Variants in CTSH observed in about 807,000 individuals in gnomAD.
CTSH encodes the protein cathepsin H.
CTSH carries 52 observed loss-of-function variants against 56.3 expected under a neutral mutation model. The observed-to-expected ratio is 0.92, with a 90% CI of 0.74 to 1.16. The LOEUF is 1.16. CTSH is among the 50% of genes most tolerant of loss of function. CTSH has a pLI of 0.00. For synonymous variants in CTSH, 174 were observed against 155.7 expected (o/e 1.12, Z -0.88); for missense variants, 406 against 424.5 (o/e 0.96, Z 0.38).
intron 7 of CTSH, among the ~76,000 whole-genome samples, chr15:78,930,195 A>G (rs2055020577): frequency 6.6e-6 from 1 of 152,236 alleles, no homozygotes; most frequent in South Asian, 2.1e-4. Context: ...ATGAATGAGA[A>G]AAGGAAGTAC....
intron 2 of CTSH, 141 bp from the exon 3 acceptor site, chr15:78,937,564 G>C: frequency 7.5e-7 from 1 of 1,333,912 alleles, no homozygotes; most frequent in Non-Finnish European, 1.0e-6. Flanking sequence ...AATGGGCGGG[G>C]TACTGCTGAG....
chr15:78,921,878 T>C lies in CTSH; in HGVS notation c.*252A>G. 1.9e-6 allele frequency: 1 copy of C among 527,198 alleles called. No homozygotes were observed. Among genetic ancestry groups the C allele is most frequent in the Non-Finnish European group, 3.4e-6 (1 of 295,594 alleles). The allele number at this position is 527,198 out of a possible 1,614,324, so 32.7% of individuals were successfully genotyped here. ...TTCTGGACAGAAAGAATATTCGTGG[T>C]CCATGTGGTTTGAGTCTGTTAAGAA... On this transcript the variant is annotated 3_prime_UTR_variant, in exon 12 of 12. Coordinates refer to ENST00000220166, the MANE Select transcript of CTSH (RefSeq NM_004390.5).
chr15:78,931,767 A>G lies in CTSH; in HGVS notation c.493-261T>C, dbSNP rs2055066217. On this transcript the variant is annotated intron_variant, in intron 6 of 11. Transcript: ENST00000220166. Reference sequence around the variant, plus strand: ...AGAGGGGGCAAGGGCTGTTGGGTCCAAACCCCTGCCCCGTAGGTGTGCCCA... The same window carrying G: ...AGAGGGGGCAAGGGCTGTTGGGTCCGAACCCCTGCCCCGTAGGTGTGCCCA... The G allele has an allele frequency of 9.3e-6, 13 of 1,402,308 alleles. No individual in the cohort carries two copies. The South Asian group carries it at 1.9e-4, about 21-fold the overall frequency. 86.9% of individuals were successfully genotyped at this position (1,402,308 alleles called of 1,614,324 possible). A position where few individuals can be genotyped will look rare whatever the true frequency, so the allele number is the denominator to read the frequency against.
chr15:78,931,350 T>C, intron 7 of CTSH, 101 bp downstream of exon 7: 7 of 1,489,484 alleles, frequency 4.7e-6, no homozygotes, highest in South Asian at 4.5e-5. Context: ...CCCAGGGCAG[T>C]GGTGGGTTAT....
rs1271376894 is a variant in CTSH at position 78,945,034 on chromosome 15, C to T, written c.-53G>A. ...CTCAGGGTCCGCGGAGGTGGCGGCC[C>T]AGAGCGTCAACTGGGAGCGCGGGGG... On this transcript the variant is annotated 5_prime_UTR_variant, in exon 1 of 12. Transcript: ENST00000220166. The T allele has an allele frequency of 4.9e-6, 7 of 1,429,130 alleles. No homozygotes were observed. The Admixed American group carries it at 1.2e-4, about 25-fold the overall frequency. 88.5% of individuals were successfully genotyped at this position (1,429,130 alleles called of 1,614,324 possible).
rs780773162 is a variant in CTSH at position 78,927,690 on chromosome 15, C to T, written c.699+23G>A. On this transcript the variant is annotated intron_variant, in intron 9 of 11. Transcript: ENST00000220166. ...CTCCTCATCAGGACACATTCCCCATCCCAGAGGGGGATCGGCACTCACGAT... is the reference window on the plus strand; with the variant it reads ...CTCCTCATCAGGACACATTCCCCATTCCAGAGGGGGATCGGCACTCACGAT... The T allele has an allele frequency of 4.1e-5, 66 of 1,611,772 alleles. No individual in the cohort carries two copies. The South Asian group carries it at 6.9e-4, about 17-fold the overall frequency.
At chr15:78,924,109 GA>G (rs1405517941) in intron 10 of CTSH, among the ~76,000 whole-genome samples, 4,114 of 53,970 alleles carry the variant, frequency 0.076, 15 homozygotes, top group Non-Finnish European at 0.13. Context: ...GGGGGGGGGG[GA>G]GGGTGGGCAG....
At chr15:78,938,185 A>G (rs2055216385) in intron 2 of CTSH, among the ~76,000 whole-genome samples, 1 of 152,190 alleles carries the variant, frequency 6.6e-6, no homozygotes, top group Non-Finnish European at 1.5e-5. Context: ...CCTGGCCAAC[A>G]TGGCGAACCC....
chr15:78,940,891 G>A (rs952981262), intron 1 of CTSH, among the ~76,000 whole-genome samples: 1 of 151,180 alleles, frequency 6.6e-6, no homozygotes, highest in African/African-American at 2.4e-5. Context: ...CCTGAGAGGC[G>A]GAGGCTGCTG....
chr15:78,941,533 C>T (rs1285721390), intron 1 of CTSH, among the ~76,000 whole-genome samples: 1 of 151,662 alleles, frequency 6.6e-6, no homozygotes. Flanking sequence ...TGGCTCATGC[C>T]TGTAATCCCA....
intron 6 of CTSH, chr15:78,931,815 C>T: frequency 7.5e-7 from 1 of 1,326,074 alleles, no homozygotes; most frequent in African/African-American, 1.5e-5. Context: ...TGTGGGGTCC[C>T]ACAGCGGTGT....
At position 78,934,953 on chromosome 15, in the gene CTSH, A is replaced by G. The variant is rs572209103; in HGVS notation, c.405+25T>C. 3 of 1,480,400 alleles carry G rather than the reference A, an allele frequency of 2.0e-6. No individual in the cohort carries two copies. The South Asian group carries it at 3.4e-5, about 17-fold the overall frequency. 91.7% of individuals were successfully genotyped at this position (1,480,400 alleles called of 1,614,324 possible). ...CTGGGAGTGTGGCCGTTTTGCAGGG[A>G]GAGGATGGAGATTGCCAGGCATACC... On this transcript the variant is annotated intron_variant, in intron 5 of 11. Transcript: ENST00000220166.
intron 11 of CTSH, 23 bp from the exon 12 acceptor site, chr15:78,922,228 G>A: frequency 6.4e-7 from 1 of 1,557,084 alleles, no homozygotes. Flanking sequence ...AGGAGCTGAG[G>A]CCCGGCCGGC....
chr15:78,923,393 G>A (rs1247877376), intron 10 of CTSH, among the ~76,000 whole-genome samples: 1 of 152,166 alleles, frequency 6.6e-6, no homozygotes, highest in Non-Finnish European at 1.5e-5. Context: ...GGGTTCAAAC[G>A]ATTCTCCTGC....
At chr15:78,932,046 GA>G in intron 6 of CTSH, 1 of 1,215,672 alleles carries the variant, frequency 8.2e-7, no homozygotes, top group Non-Finnish European at 1.0e-6. Context: ...AGGCTGCTGG[GA>G]AGGGTGTAGC....
In CTSH at chr15:78,944,996, C is replaced by T. The variant is rs373577561; in HGVS notation, c.-15G>A. ...GTGGCCCACATCGCAGCGCTGGCGG[C>T]TTGGCTCTTGCGCTCAGGGTCCGCG... is the stretch of plus-strand genomic sequence containing the variant. On this transcript the variant is annotated 5_prime_UTR_variant, in exon 1 of 12. Transcript: ENST00000220166. 70 of 1,524,158 alleles carry T rather than the reference C, an allele frequency of 4.6e-5. No individual in the cohort carries two copies. In the East Asian group the frequency reaches 1.0e-3, roughly 22 times the overall value. 94.4% of individuals were successfully genotyped at this position (1,524,158 alleles called of 1,614,324 possible). A position where few individuals can be genotyped will look rare whatever the true frequency, so the allele number is the denominator to read the frequency against.
rs995430667 is a variant in CTSH, at chr15:78,937,340, G to A, written c.207C>T (p.Asn69=). 34 of 1,613,834 alleles carry A rather than the reference G, an allele frequency of 2.1e-5. No homozygotes were observed. In the Admixed American group the frequency reaches 5.3e-4, roughly 25 times the overall value. Residue 69 remains asparagine, a synonymous_variant, in exon 3 of 12, where the codon AAC becomes AAT. Transcript: ENST00000220166. ...ASNWRKINAH[N]NGNHTFKMAL... is the part of the protein sequence containing the mutation. Reference sequence around the variant, plus strand: ...TACTTTTAAATGTGTGGTTCCCATTGTTGTGGGCGTTTATCTTCCTCCAGT... The same window carrying A: ...TACTTTTAAATGTGTGGTTCCCATTATTGTGGGCGTTTATCTTCCTCCAGT...
At chr15:78,937,870 CT>C (rs34260652) in intron 2 of CTSH, 8 of 1,176,006 alleles carry the variant, frequency 6.8e-6, no homozygotes, top group African/African-American at 3.2e-5. Context: ...AACTGATGTA[CT>C]TTTTTTGGTA....
At chr15:78,935,978 C>T (rs928508267) in intron 3 of CTSH, among the ~76,000 whole-genome samples, 31 of 152,028 alleles carry the variant, frequency 2.0e-4, no homozygotes, top group Admixed American at 8.5e-4. Context: ...ATGTCCGGGC[C>T]GTACTCCAGA....
Sources: gnomAD v4.1 joint callset for allele counts (sites outside exome capture counted in the v4.1 genomes callset) on GRCh38, gnomAD v4.1.1 for gene constraint, MANE v1.5 for transcripts, NCBI Gene and HGNC (gene_info 2026-07-23, HGNC 2026-07-21) for gene names.